FGF14: variants seen among roughly 807,000 people sequenced by gnomAD.
FGF14 encodes the protein fibroblast growth factor 14, also known as fibroblast growth factor homologous factor 4.
FGF14 carries 5 observed loss-of-function variants against 25.5 expected under a neutral mutation model. The observed-to-expected ratio is 0.20, with a 90% CI of 0.10 to 0.41. The LOEUF (loss-of-function observed/expected upper bound fraction) is 0.41, where lower values mean the gene tolerates loss of function less well. FGF14 is among the 10% of genes least tolerant of loss of function. The probability of loss-of-function intolerance (pLI) is 1.00; values close to 1 mark genes in which losing one functional copy is unlikely to be tolerated. For missense variants in FGF14, 222 were observed against 320.1 expected (o/e 0.69, Z 2.34); for synonymous variants, 138 against 118.3 (o/e 1.17, Z -1.08).
chr13:102,099,898 C>A (rs2140280328), intron 1 of FGF14, among the ~76,000 whole-genome samples: 1 of 152,194 alleles, frequency 6.6e-6, no homozygotes, highest in East Asian at 1.9e-4. Flanking sequence ...CAGGGTAATT[C>A]TTTTCCCTGG....
intron 1 of FGF14, among the ~76,000 whole-genome samples, chr13:102,055,496 G>T (rs951356569): frequency 2.0e-5 from 3 of 152,166 alleles, no homozygotes; most frequent in African/African-American, 7.2e-5. Context: ...CCATTCAAAG[G>T]CTTGTTATCC....
chr13:102,142,131 A>G (rs756314087), intron 1 of FGF14, among the ~76,000 whole-genome samples: 2 of 152,200 alleles, frequency 1.3e-5, no homozygotes, highest in Non-Finnish European at 2.9e-5. Context: ...ACATGGCAAA[A>G]TGCCACAAAT....
intron 1 of FGF14, among the ~76,000 whole-genome samples, chr13:102,169,598 CAG>C (rs2048163814): frequency 6.6e-6 from 1 of 152,160 alleles, no homozygotes; most frequent in Admixed American, 6.6e-5. Flanking sequence ...TTTAAAGTTA[CAG>C]AACCATATTT....
At chr13:102,092,121 A>G (rs527652144) in intron 1 of FGF14, among the ~76,000 whole-genome samples, 9 of 152,332 alleles carry the variant, frequency 5.9e-5, no homozygotes, top group African/African-American at 2.2e-4. Context: ...AAAATGATGA[A>G]CAACTCTTGA....
chr13:102,167,251 T>C (rs1000878056), intron 1 of FGF14, among the ~76,000 whole-genome samples: 1 of 143,006 alleles, frequency 7.0e-6, no homozygotes, highest in Non-Finnish European at 1.5e-5. Flanking sequence ...GGCAGGAGAA[T>C]CGTGTGAACC....
intron 1 of FGF14, among the ~76,000 whole-genome samples, chr13:101,901,400 T>C (rs2031527228): frequency 6.6e-6 from 1 of 151,900 alleles, no homozygotes; most frequent in South Asian, 2.1e-4. Context: ...GAAGAGGGAG[T>C]CATATCAAAA....
At chr13:102,256,955 C>A (rs1222379212) in intron 1 of FGF14, among the ~76,000 whole-genome samples, 1 of 152,122 alleles carries the variant, frequency 6.6e-6, no homozygotes, top group Non-Finnish European at 1.5e-5. Context: ...AAATAACATC[C>A]ATTTTCCTTC....
At chr13:102,382,146 G>A (rs1566976366) in intron 1 of FGF14, among the ~76,000 whole-genome samples, 1 of 152,184 alleles carries the variant, frequency 6.6e-6, no homozygotes, top group East Asian at 1.9e-4. Context: ...AGACTTCAAC[G>A]AAATTAAGAA....
At chr13:101,752,183 A>G (rs543843663) in intron 3 of FGF14, among the ~76,000 whole-genome samples, 5 of 152,208 alleles carry the variant, frequency 3.3e-5, no homozygotes, top group Admixed American at 2.0e-4. Flanking sequence ...GAATGGGCAC[A>G]TTTTAAATGA....
At chr13:101,913,499 A>ATT (rs11410397) in intron 1 of FGF14, among the ~76,000 whole-genome samples, 1 of 151,900 alleles carries the variant, frequency 6.6e-6, no homozygotes, top group African/African-American at 2.4e-5. Flanking sequence ...TTAATAAAGG[A>ATT]TTTTTTAAAA....
In FGF14 at chr13:102,019,390, G is replaced by A. The variant is rs115604097; in HGVS notation, c.209-144094C>T. ...TACCCACCTGCCTCCCTCTACTAGT[G>A]AAGACTTTCAGGGTCCTGAGTGCCC... On this transcript the variant is annotated intron_variant, in intron 1 of 4. Transcript: ENST00000376131. 7.9e-3 allele frequency among the ~76,000 whole-genome samples: 1,204 copies of A among 152,212 alleles called. 12 individuals carry two copies. Among genetic ancestry groups the A allele is most frequent in the African/African-American group, 0.027 (1,127 of 41,554 alleles).
chr13:102,230,478 T>C (rs886247041), intron 1 of FGF14, among the ~76,000 whole-genome samples: 1 of 152,102 alleles, frequency 6.6e-6, no homozygotes, highest in African/African-American at 2.4e-5. Context: ...ATAAAAGGTA[T>C]ACTGGGAGTA....
Position 101,862,252 on chromosome 13 carries a change from C to A in FGF14, c.408+6473G>T, listed in dbSNP as rs141208801. 6.7e-3 allele frequency among the ~76,000 whole-genome samples: 1,026 copies of A among 152,104 alleles called. 9 individuals are homozygous for A. The highest frequency in any genetic ancestry group is 0.017 in the South Asian group (81 of 4,818). On this transcript the variant is annotated intron_variant, in intron 3 of 4. Coordinates refer to ENST00000376143, the MANE Select transcript of FGF14 (RefSeq NM_004115.4). ...TCATTTCCTTCCTTTTTCATCCTCC[C>A]ATCCTCTCTCCTTTCTCTTCTTTTC...
chr13:101,832,262 G>C (rs777949536), intron 3 of FGF14, among the ~76,000 whole-genome samples: 5 of 152,058 alleles, frequency 3.3e-5, no homozygotes, highest in Non-Finnish European at 7.4e-5. Flanking sequence ...AAGTGCTCCA[G>C]AGAGAGCACG....
intron 1 of FGF14, among the ~76,000 whole-genome samples, chr13:102,068,693 CCT>C (rs1234578197): frequency 6.6e-6 from 1 of 152,222 alleles, no homozygotes. Flanking sequence ...TCTCGCCGGG[CCT>C]TAGCTGCCTT....
At chr13:101,787,976 A>ATTCTCCGGCCTCAGCCTCCC (rs2039949550) in intron 3 of FGF14, among the ~76,000 whole-genome samples, 1 of 152,136 alleles carries the variant, frequency 6.6e-6, no homozygotes, top group Non-Finnish European at 1.5e-5. Flanking sequence ...GGTTCAAGTG[A>ATTCTCCGGCCTCAGCCTCCC]TTCTCCGGCC....
intron 1 of FGF14, among the ~76,000 whole-genome samples, chr13:102,283,034 G>T (rs550831219): frequency 6.6e-5 from 10 of 152,276 alleles, no homozygotes. Flanking sequence ...TCAGCCCAAA[G>T]CTTGTATGGT....
At chr13:102,101,286 AAC>A (rs2044652241) in intron 1 of FGF14, among the ~76,000 whole-genome samples, 1 of 152,218 alleles carries the variant, frequency 6.6e-6, no homozygotes, top group East Asian at 1.9e-4. Context: ...GTTATTTGGG[AAC>A]ATTATGAAAT....
intron 1 of FGF14, among the ~76,000 whole-genome samples, chr13:102,381,427 C>T (rs373744384): frequency 2.4e-4 from 37 of 152,244 alleles, no homozygotes; most frequent in East Asian, 1.7e-3. Flanking sequence ...GAGAGGCTCA[C>T]GGAAGATTGT....
Sources: allele counts gnomAD v4.1 joint callset (sites outside exome capture counted in the v4.1 genomes callset), GRCh38; gene constraint gnomAD v4.1.1; transcripts MANE v1.5; gene names NCBI Gene and HGNC (gene_info 2026-07-23, HGNC 2026-07-21).